The following AGBL4 variants were observed in gnomAD, a reference collection of about 807,000 sequenced individuals.
The protein encoded by AGBL4 is cytosolic carboxypeptidase 6.
A neutral mutation model predicts 66.4 loss-of-function variants in AGBL4; 58 were observed. The ratio of observed to expected loss-of-function variants is 0.87; its 90% CI spans 0.71 to 1.09. AGBL4 has a LOEUF of 1.09. AGBL4 is among the 50% of genes least tolerant of loss of function. AGBL4 has a pLI of 0.00. For missense variants in AGBL4, 579 were observed against 631.0 expected (o/e 0.92, Z 0.88); for synonymous variants, 234 against 222.9 (o/e 1.05, Z -0.44).
chr1:49,725,679 T>TG (rs1175840867), intron 2 of AGBL4, among the ~76,000 whole-genome samples: 5 of 145,696 alleles, frequency 3.4e-5, no homozygotes, highest in Non-Finnish European at 6.0e-5. Context: ...TTTTCCTTTG[T>TG]GGGTTTTTTT....
intron 3 of AGBL4, among the ~76,000 whole-genome samples, chr1:49,271,744 T>G (rs1018611039): frequency 2.0e-5 from 3 of 151,888 alleles, no homozygotes; most frequent in Non-Finnish European, 2.9e-5. Flanking sequence ...TGGTACTACA[T>G]AAAAAATCTA....
chr1:49,308,521 GA>G (rs962160485), intron 3 of AGBL4, among the ~76,000 whole-genome samples: 31 of 145,860 alleles, frequency 2.1e-4, no homozygotes, highest in Admixed American at 6.9e-4. Flanking sequence ...TTGAGGTCCA[GA>G]AAAAAAAAAG....
At chr1:49,697,572 C>T (rs1647011374) in intron 2 of AGBL4, 135 bp from the exon 3 acceptor site, 4 of 717,698 alleles carry the variant, frequency 5.6e-6, no homozygotes, top group East Asian at 5.9e-5. Context: ...GTTCACAATC[C>T]AAAGGGCTGC....
At chr1:49,359,113 T>C (rs982701054) in intron 3 of AGBL4, among the ~76,000 whole-genome samples, 2 of 152,188 alleles carry the variant, frequency 1.3e-5, no homozygotes, top group Non-Finnish European at 2.9e-5. Context: ...TCTATCAGTG[T>C]CTACTGCAGT....
chr1:49,586,082 A>G (rs941036510), intron 3 of AGBL4, among the ~76,000 whole-genome samples: 2 of 152,192 alleles, frequency 1.3e-5, no homozygotes, highest in Non-Finnish European at 2.9e-5. Flanking sequence ...AGACACAAAT[A>G]TTTATGGAAA....
intron 5 of AGBL4, among the ~76,000 whole-genome samples, chr1:48,869,356 G>A (rs1648421814): frequency 6.6e-6 from 1 of 152,154 alleles, no homozygotes. Context: ...TGGGACATCT[G>A]GCTTAAGCTG....
rs147450303 is a variant in AGBL4, at chr1:49,004,854, T to C, written c.594+40730A>G. On this transcript the variant is annotated intron_variant, in intron 5 of 13. Transcript: ENST00000371839. The stretch of plus-strand genomic sequence containing the variant: ...AGGCCCACAATATGTATATGAAATA[T>C]ACCTTGACCTTTGAATATAGTGAGC... Among the ~76,000 whole-genome samples the C allele has an allele frequency of 3.3e-5, 5 of 152,304 alleles. No individual in the cohort carries two copies. The East Asian group carries it at 5.8e-4, about 18-fold the overall frequency.
At chr1:49,203,300 C>T (rs968053906) in intron 4 of AGBL4, among the ~76,000 whole-genome samples, 2 of 151,962 alleles carry the variant, frequency 1.3e-5, no homozygotes, top group Non-Finnish European at 2.9e-5. Context: ...AGAATAGGAT[C>T]TCAAAGAAAT....
intron 4 of AGBL4, among the ~76,000 whole-genome samples, chr1:49,233,099 T>C (rs757676818): frequency 5.3e-5 from 8 of 152,200 alleles, no homozygotes; most frequent in Non-Finnish European, 1.0e-4. Context: ...TCTTTGAGCA[T>C]ATCTCTGATT....
intron 3 of AGBL4, among the ~76,000 whole-genome samples, chr1:49,366,535 T>G (rs1644245106): frequency 6.6e-6 from 1 of 152,196 alleles, no homozygotes; most frequent in Admixed American, 6.5e-5. Flanking sequence ...TACTTTTTAT[T>G]CCCTTTGAGA....
intron 3 of AGBL4, among the ~76,000 whole-genome samples, chr1:49,570,365 T>A (rs1375095671): frequency 6.6e-6 from 1 of 152,148 alleles, no homozygotes; most frequent in East Asian, 1.9e-4. Context: ...CTTGGCCATA[T>A]GCATATCTTC....
chr1:49,076,805 C>A (rs1644717806), intron 4 of AGBL4, among the ~76,000 whole-genome samples: 2 of 152,092 alleles, frequency 1.3e-5, no homozygotes, highest in South Asian at 4.2e-4. Context: ...TGCTCTAGGT[C>A]CTCATTGTTG....
At chr1:49,142,256 G>A (rs1453597659) in intron 4 of AGBL4, among the ~76,000 whole-genome samples, 1 of 152,058 alleles carries the variant, frequency 6.6e-6, no homozygotes, top group Non-Finnish European at 1.5e-5. Context: ...AGTCTCTGGT[G>A]CCAAAAAGGT....
intron 1 of AGBL4, among the ~76,000 whole-genome samples, chr1:49,965,003 A>G (rs552204746): frequency 6.6e-6 from 1 of 152,334 alleles, no homozygotes; most frequent in African/African-American, 2.4e-5. Context: ...AAAGAGCAAA[A>G]GCTTTGGAGC....
chr1:49,762,245 G>A (rs1571509909), intron 2 of AGBL4, among the ~76,000 whole-genome samples: 1 of 151,856 alleles, frequency 6.6e-6, no homozygotes, highest in Non-Finnish European at 1.5e-5. Context: ...CACTTGTTTT[G>A]TCTTTTTGAT....
At chr1:48,652,168 C>T (rs953867968) in intron 8 of AGBL4, among the ~76,000 whole-genome samples, 5 of 152,156 alleles carry the variant, frequency 3.3e-5, no homozygotes, top group Admixed American at 6.5e-5. Context: ...CACAACTGCA[C>T]TCCAGCTTGG....
At chr1:48,803,617 A>C (rs2148746847) in intron 6 of AGBL4, among the ~76,000 whole-genome samples, 1 of 152,360 alleles carries the variant, frequency 6.6e-6, no homozygotes, top group South Asian at 2.1e-4. Flanking sequence ...GGGAAGGTAC[A>C]GATCTGTAAC....
rs1027477049 is a variant in AGBL4, at chr1:48,761,576, C to G, written c.635-98335G>C. Reference sequence around the variant, plus strand: ...TGCTAGAAAATAATTGAGGCCAGACCAGTTAAAAAGGAAAAACAAACAGAC... The same window carrying G: ...TGCTAGAAAATAATTGAGGCCAGACGAGTTAAAAAGGAAAAACAAACAGAC... On this transcript the variant is annotated intron_variant, in intron 6 of 13. Coordinates refer to ENST00000371839, the MANE Select transcript of AGBL4 (RefSeq NM_032785.4). 3.3e-6 allele frequency: 4 copies of G among 1,221,904 alleles called. No homozygotes were observed. The South Asian group carries it at 6.3e-5, about 19-fold the overall frequency. 75.7% of individuals were successfully genotyped at this position (1,221,904 alleles called of 1,614,324 possible).
At chr1:49,247,779 C>T (rs1651758574) in intron 3 of AGBL4, among the ~76,000 whole-genome samples, 1 of 152,094 alleles carries the variant, frequency 6.6e-6, no homozygotes, top group African/African-American at 2.4e-5. Flanking sequence ...TACTGTGTGC[C>T]TAGGAAATTT....
Sources: gnomAD v4.1 joint callset for allele counts (sites outside exome capture counted in the v4.1 genomes callset) on GRCh38, gnomAD v4.1.1 for gene constraint, MANE v1.5 for transcripts, NCBI Gene and HGNC (gene_info 2026-07-23, HGNC 2026-07-21) for gene names.